USP40: variants seen among roughly 807,000 people sequenced by gnomAD.
USP40 encodes the protein ubiquitin specific peptidase 40, also known as ubiquitin carboxyl-terminal hydrolase 40.
A neutral mutation model predicts 166.2 loss-of-function variants in USP40; 143 were observed. The ratio of observed to expected loss-of-function variants is 0.86; its 90% confidence interval spans 0.75 to 0.99. The LOEUF is 0.99. USP40 is among the 50% of genes least tolerant of loss of function. USP40 has a pLI of 0.00. For missense variants in USP40, 1,444 were observed against 1,479.7 expected, an observed-to-expected ratio of 0.98 and a Z score of 0.40; for synonymous variants, 498 against 524.0, an observed-to-expected ratio of 0.95 and a Z score of 0.68.
At chr2:233,560,292 C>T (rs1220219315) in intron 3 of USP40, among the ~76,000 whole-genome samples, 1 of 152,064 alleles carries the variant, frequency 6.6e-6, no homozygotes, top group Non-Finnish European at 1.5e-5. Flanking sequence ...AGAAATTTTC[C>T]AGGCACAATA....
At chr2:233,479,103 C>T (rs1281236653) in intron 31 of USP40, among the ~76,000 whole-genome samples, 2 of 152,228 alleles carry the variant, frequency 1.3e-5, no homozygotes, top group East Asian at 3.8e-4. Context: ...TCAGTGACAG[C>T]ACCATGAATT....
At chr2:233,545,267 G>C (rs559766841) in intron 8 of USP40, among the ~76,000 whole-genome samples, 1 of 152,184 alleles carries the variant, frequency 6.6e-6, no homozygotes, top group Non-Finnish European at 1.5e-5. Context: ...AATGACAGGA[G>C]GGAAGAGGCA....
chr2:233,493,486 A>G lies in USP40; in HGVS notation c.2856T>C (p.His952=). ...LQGPSGHWES[H]QDQTNCTSSW... is the part of the protein sequence containing the mutation. ...ACGAAGTACAGTTGGTCTGGTCCTG[A>G]TGACTCTCCCAGTGTCCTGAGGGAC... The change falls in exon 25 of 32, where the codon CAT becomes CAC. Residue 952 remains histidine (H), a synonymous_variant. Transcript: ENST00000678225. The surrounding 1 kb of genome is among the most constrained non-coding windows in gnomAD (Gnocchi z 4.7). 2 of 1,613,886 alleles carry G rather than the reference A, an allele frequency of 1.2e-6. No individual in the cohort carries two copies. Among genetic ancestry groups the G allele is most frequent in the East Asian group, 2.2e-5 (1 of 44,882 alleles).
chr2:233,524,576 A>G lies in USP40; in HGVS notation c.1811-14T>C. ...TCAGTTCATCCCCTAGAAAGAGATC[A>G]CCAGTGAGACCATTCATCATGACCA... On this transcript the variant is annotated splice_polypyrimidine_tract_variant and intron_variant, in intron 14 of 31. Coordinates refer to ENST00000678225, the MANE Select transcript of USP40 (RefSeq NM_001365479.2). The G allele has an allele frequency of 6.4e-7, 1 of 1,570,668 alleles. No individual in the cohort carries two copies. Among genetic ancestry groups the G allele is most frequent in the Non-Finnish European group, 8.6e-7 (1 of 1,158,364 alleles).
chr2:233,486,328 G>T lies in USP40; in HGVS notation c.3198-351C>A, dbSNP rs774168797. 6.6e-6 allele frequency among the ~76,000 whole-genome samples: 1 copy of T among 152,202 alleles called. No homozygotes were observed. Among genetic ancestry groups the T allele is most frequent in the Non-Finnish European group, 1.5e-5 (1 of 68,042 alleles). On this transcript the variant is annotated intron_variant, in intron 28 of 31. Transcript: ENST00000678225. The surrounding 1 kb of genome is among the most constrained non-coding windows in gnomAD (Gnocchi z 4.0). ...AGAGGCCTGGCTTGATAGCCCGGCA[G>T]CTGGCAGGAGGAGAGCGGGCTCGAG...
chr2:233,511,560 A>T (rs540489723), intron 20 of USP40, 149 bp downstream of exon 20: 2 of 535,084 alleles, frequency 3.7e-6, no homozygotes, highest in African/African-American at 2.0e-5. Flanking sequence ...AAACATCTAG[A>T]ACTATAAGGA....
At chr2:233,481,356 A>C (rs2064577015) in intron 30 of USP40, 59 bp from the exon 31 acceptor site, 1 of 1,470,376 alleles carries the variant, frequency 6.8e-7, no homozygotes, top group African/African-American at 1.4e-5. Flanking sequence ...CCTACATTTA[A>C]AAGAGGCATG....
chr2:233,484,769 C>T (rs934583344), intron 30 of USP40, among the ~76,000 whole-genome samples: 11 of 152,214 alleles, frequency 7.2e-5, no homozygotes, highest in African/African-American at 2.7e-4. Context: ...AGGCATGAGC[C>T]ACCGTGCCCA....
chr2:233,491,440 G>A (rs1381669857), intron 25 of USP40, 179 bp from the exon 26 acceptor site: 11 of 608,814 alleles, frequency 1.8e-5, no homozygotes, highest in African/African-American at 5.6e-5. Context: ...ACATGTTGTC[G>A]GCAGACTCCC....
chr2:233,527,505 C>T lies in USP40; in HGVS notation c.1627G>A (p.Gly543Arg). Reference protein sequence around the residue: ...HLGPQYHFFNGALHPVVSQTE... With the variant: ...HLGPQYHFFNRALHPVVSQTE... ...TGAGAGACTACTGGGTGCAGAGCCC[C>T]ATTGAAGAAATGATACTGAGGGCCC... is the stretch of plus-strand genomic sequence containing the variant. Residue 543 changes from glycine (G) to arginine (R), a missense_variant, in exon 13 of 32, where the codon GGG (glycine) becomes AGG (arginine). Gly to Arg is a moderately radical substitution (Grantham distance 125). Coordinates refer to ENST00000678225, the MANE Select transcript of USP40 (RefSeq NM_001365479.2). The T allele has an allele frequency of 6.2e-7, 1 of 1,613,598 alleles. No individual in the cohort carries two copies. Among genetic ancestry groups the T allele is most frequent in the Non-Finnish European group, 8.5e-7 (1 of 1,179,738 alleles).
Position 233,480,582 on chromosome 2 carries a change from G to A in USP40, c.3599+621C>T, listed in dbSNP as rs1326410310. ...CTGCAAGCAGCACCTGCTTCCTCCA[G>A]TGGCAGTAAGTGCAGAGCCAGACAA... On this transcript the variant is annotated intron_variant, in intron 31 of 31. Coordinates refer to ENST00000678225, the MANE Select transcript of USP40 (RefSeq NM_001365479.2). The surrounding 1 kb of genome is among the most constrained non-coding windows in gnomAD (Gnocchi z 4.5). 1.3e-5 allele frequency among the ~76,000 whole-genome samples: 2 copies of A among 152,256 alleles called. No homozygotes were observed. The highest frequency in any genetic ancestry group is 4.8e-5 in the African/African-American group (2 of 41,470).
chr2:233,551,648 C>CATGG, intron 6 of USP40, 129 bp from the exon 7 acceptor site: 1 of 891,202 alleles, frequency 1.1e-6, no homozygotes, highest in Non-Finnish European at 1.7e-6. Flanking sequence ...AACTCATTAC[C>CATGG]ATGGATTCAA....
At chr2:233,497,312 G>A (rs556155402) in intron 23 of USP40, among the ~76,000 whole-genome samples, 1 of 152,308 alleles carries the variant, frequency 6.6e-6, no homozygotes, top group South Asian at 2.1e-4. Flanking sequence ...ACAGGACATG[G>A]AATAGAAATA....
In USP40 at chr2:233,486,050, G is replaced by T; in HGVS notation, c.3198-73C>A. ...CCACGTGGTAACTTGAGGCATAATGGGCAAAGCTTCTCCTCCAGCTTTTCT... is the reference window on the plus strand; with the variant it reads ...CCACGTGGTAACTTGAGGCATAATGTGCAAAGCTTCTCCTCCAGCTTTTCT... On this transcript the variant is annotated intron_variant, in intron 28 of 31. Coordinates refer to ENST00000678225, the MANE Select transcript of USP40 (RefSeq NM_001365479.2). The surrounding 1 kb of genome is among the most constrained non-coding windows in gnomAD (Gnocchi z 4.0). 1 of 1,455,364 alleles carries T rather than the reference G, an allele frequency of 6.9e-7. No homozygotes were observed. Among genetic ancestry groups the T allele is most frequent in the Non-Finnish European group, 9.1e-7 (1 of 1,093,238 alleles). The allele number at this position is 1,455,364 out of a possible 1,614,324, so 90.2% of individuals were successfully genotyped here. A position where few individuals can be genotyped will look rare whatever the true frequency, so the allele number is the denominator to read the frequency against.
chr2:233,500,943 G>C (rs1480346144), intron 21 of USP40, among the ~76,000 whole-genome samples: 1 of 152,160 alleles, frequency 6.6e-6, no homozygotes, highest in African/African-American at 2.4e-5. Flanking sequence ...CTAGAGAAAG[G>C]ACTAGAATAG....
chr2:233,529,860 T>G (rs563176505), intron 11 of USP40, among the ~76,000 whole-genome samples: 1 of 144,110 alleles, frequency 6.9e-6, no homozygotes, highest in Non-Finnish European at 1.5e-5. Flanking sequence ...CAGGCTGGAG[T>G]GCAGTGGCGC....
At chr2:233,542,403 T>A in intron 8 of USP40, 40 bp from the exon 9 acceptor site, 2 of 1,251,082 alleles carry the variant, frequency 1.6e-6, no homozygotes, top group Non-Finnish European at 1.1e-6. Context: ...CACTAACCCC[T>A]TAAAAAGTAA....
Position 233,493,551 on chromosome 2 carries a change from C to T in USP40, c.2791G>A (p.Gly931Ser), listed in dbSNP as rs1417346978. 6.2e-6 allele frequency: 10 copies of T among 1,610,568 alleles called. No homozygotes were observed. In the East Asian group the frequency reaches 2.2e-4, roughly 36 times the overall value. ...LLIEGQLPPL[G>S]FLKVPIWWYQ... ...CACCAGATGGGCACCTTCAGGAAACCCTGAAGAATGGAGCATGTTTAACTG... is the reference window on the plus strand; with the variant it reads ...CACCAGATGGGCACCTTCAGGAAACTCTGAAGAATGGAGCATGTTTAACTG... Residue 931 changes from glycine to serine, a missense_variant and splice_region_variant, in exon 25 of 32, where the codon GGT (glycine) becomes AGT (serine). Gly to Ser is a moderately conservative substitution (Grantham distance 56, BLOSUM62 0). Transcript: ENST00000678225. This position sits in a 1 kb window ranked among gnomAD's most constrained non-coding sequence, Gnocchi z 4.7.
At chr2:233,497,680 T>C (rs2065826978) in intron 23 of USP40, among the ~76,000 whole-genome samples, 1 of 152,174 alleles carries the variant, frequency 6.6e-6, no homozygotes, top group Admixed American at 6.5e-5. Context: ...GAGAAGAAAA[T>C]GCTGAAGCTA....
Sources: allele counts gnomAD v4.1 joint callset (sites outside exome capture counted in the v4.1 genomes callset), GRCh38; gene constraint gnomAD v4.1.1; non-coding constraint Gnocchi (gnomAD v3.1); transcripts MANE v1.5; gene names NCBI Gene and HGNC (gene_info 2026-07-23, HGNC 2026-07-21).